HECW2: variants seen among roughly 807,000 people sequenced by gnomAD.
The protein encoded by HECW2 is HECT, C2 and WW domain containing E3 ubiquitin protein ligase 2, also known as E3 ubiquitin-protein ligase HECW2.
A neutral mutation model predicts 175.2 loss-of-function variants in HECW2; 61 were observed. That is an observed-to-expected ratio of 0.35 (90% confidence interval 0.28 to 0.43). HECW2 has a LOEUF of 0.43. HECW2 is among the 20% of genes least tolerant of loss of function. The probability of loss-of-function intolerance (pLI) is 1.00; values close to 1 mark genes in which losing one functional copy is unlikely to be tolerated. For missense variants in HECW2, 1,524 were observed against 2,000.5 expected, an observed-to-expected ratio of 0.76 and a Z score of 4.54; for synonymous variants, 671 against 731.0, an observed-to-expected ratio of 0.92 and a Z score of 1.32.
intron 3 of HECW2, among the ~76,000 whole-genome samples, chr2:196,335,986 A>G (rs1411217356): frequency 6.6e-6 from 1 of 152,214 alleles, no homozygotes; most frequent in African/African-American, 2.4e-5. Flanking sequence ...GTCGAACAGC[A>G]TAGAGAGCGT....
intron 13 of HECW2, among the ~76,000 whole-genome samples, chr2:196,296,205 A>C (rs1405390957): frequency 6.6e-6 from 1 of 152,198 alleles, no homozygotes; most frequent in Non-Finnish European, 1.5e-5. Context: ...AAGGATATTT[A>C]TACTCCACTT....
chr2:196,320,213 G>A, intron 8 of HECW2, 126 bp downstream of exon 8: 1 of 670,516 alleles, frequency 1.5e-6, no homozygotes, highest in Non-Finnish European at 2.5e-6. Context: ...GTAATTATTT[G>A]ACAGCTATTT....
At chr2:196,298,746 C>T (rs1443809481) in intron 13 of HECW2, among the ~76,000 whole-genome samples, 2 of 152,060 alleles carry the variant, frequency 1.3e-5, no homozygotes, top group Non-Finnish European at 2.9e-5. Flanking sequence ...TCATGACTTT[C>T]TTTCAACATA....
rs117362428 is a variant in HECW2, at chr2:196,380,910, T to G, written c.293-37146A>C. ...AATGCTCCTCATGTACTTGAAAGCT[T>G]TTGGCTGATTTCCAGAGTTCTAAAA... On this transcript the variant is annotated intron_variant, in intron 2 of 28. Coordinates refer to ENST00000644978, the MANE Select transcript of HECW2 (RefSeq NM_001348768.2). Among the ~76,000 whole-genome samples the G allele has an allele frequency of 5.3e-3, 811 of 152,314 alleles. 8 individuals are homozygous for G. The highest frequency in any genetic ancestry group is 0.02 in the Middle Eastern group (6 of 294).
chr2:196,490,668 G>T (rs1575601311), intron 1 of HECW2, among the ~76,000 whole-genome samples: 2 of 152,140 alleles, frequency 1.3e-5, no homozygotes, highest in East Asian at 3.8e-4. Context: ...GTTCACAGCA[G>T]CATTATTTAT....
At chr2:196,324,689 T>C (rs565969802) in intron 6 of HECW2, among the ~76,000 whole-genome samples, 4 of 152,338 alleles carry the variant, frequency 2.6e-5, no homozygotes, top group South Asian at 4.1e-4. Flanking sequence ...TTATTCATTA[T>C]GAATTTTTTG....
chr2:196,223,499 A>G (rs1189781059), intron 23 of HECW2, among the ~76,000 whole-genome samples: 1 of 152,206 alleles, frequency 6.6e-6, no homozygotes, highest in Non-Finnish European at 1.5e-5. Flanking sequence ...TGAACAAAAT[A>G]CAAGGCATGG....
At chr2:196,207,822 G>A (rs1289269516) in intron 28 of HECW2, among the ~76,000 whole-genome samples, 2 of 152,158 alleles carry the variant, frequency 1.3e-5, no homozygotes, top group Non-Finnish European at 2.9e-5. Flanking sequence ...CTTTGGTTAA[G>A]GTGCACTTGG....
At chr2:196,290,976 T>C (rs57503197) in intron 14 of HECW2, 39,071 of 152,178 alleles carry the variant, frequency 0.26, 5,923 homozygotes, top group African/African-American at 0.42. Context: ...TTAAAAACAC[T>C]TGCAGAAATC....
chr2:196,569,371 C>CTAAACTAAACTAAAATAAAATAAAA (rs375827600), intron 1 of HECW2, among the ~76,000 whole-genome samples: 124 of 144,292 alleles, frequency 8.6e-4, no homozygotes, highest in African/African-American at 2.1e-3. Flanking sequence ...CTAAACTAAA[C>CTAAACTAAACTAAAATAAAATAAAA]TAAAATAAAA....
chr2:196,375,494 A>G (rs999380441), intron 2 of HECW2, among the ~76,000 whole-genome samples: 1 of 152,200 alleles, frequency 6.6e-6, no homozygotes, highest in Non-Finnish European at 1.5e-5. Context: ...TTGAAATAAT[A>G]GTTTTTGCCA....
chr2:196,244,774 A>G (rs4850686), intron 19 of HECW2, among the ~76,000 whole-genome samples: 127,436 of 152,154 alleles, frequency 0.84, 54,488 homozygotes, highest in Non-Finnish European at 0.93. Flanking sequence ...TTCAGAAGAC[A>G]CCAAGAGAAC....
chr2:196,212,627 T>C (rs143365671), intron 28 of HECW2, among the ~76,000 whole-genome samples: 1 of 152,348 alleles, frequency 6.6e-6, no homozygotes, highest in East Asian at 1.9e-4. Context: ...TCTGTGTCTT[T>C]GCTATTGTGA....
chr2:196,398,758 G>A (rs1053540253), intron 2 of HECW2, among the ~76,000 whole-genome samples: 1 of 152,174 alleles, frequency 6.6e-6, no homozygotes, highest in Non-Finnish European at 1.5e-5. Context: ...GAGAGCAAAA[G>A]ACTCACGTTA....
intron 1 of HECW2, among the ~76,000 whole-genome samples, chr2:196,480,577 T>C (rs1011136562): frequency 6.6e-6 from 1 of 152,172 alleles, no homozygotes; most frequent in Non-Finnish European, 1.5e-5. Flanking sequence ...CAGAACTCAG[T>C]CCGTGAGTTT....
At chr2:196,454,693 CCATCTTTGGAGG>C (rs1696451020) in intron 1 of HECW2, among the ~76,000 whole-genome samples, 1 of 152,166 alleles carries the variant, frequency 6.6e-6, no homozygotes, top group African/African-American at 2.4e-5. Flanking sequence ...TGAATGTTAT[CCATCTTTGGAGG>C]CAGCTTAGTG....
chr2:196,385,436 A>G (rs1559080529), intron 2 of HECW2, among the ~76,000 whole-genome samples: 2 of 152,212 alleles, frequency 1.3e-5, no homozygotes, highest in Admixed American at 1.3e-4. Context: ...TCCATCATGC[A>G]GAACTTCTTC....
intron 1 of HECW2, among the ~76,000 whole-genome samples, chr2:196,556,715 GAACTAA>G (rs1689806122): frequency 6.6e-6 from 1 of 152,176 alleles, no homozygotes; most frequent in African/African-American, 2.4e-5. Flanking sequence ...ATGAAGAAAT[GAACTAA>G]AACATAGACG....
chr2:196,258,339 T>G (rs1439552259), intron 17 of HECW2, among the ~76,000 whole-genome samples: 1 of 152,202 alleles, frequency 6.6e-6, no homozygotes, highest in African/African-American at 2.4e-5. Context: ...ACCTTTAAGT[T>G]GCATGTGATG....
Sources: allele counts gnomAD v4.1 joint callset (sites outside exome capture counted in the v4.1 genomes callset), GRCh38; gene constraint gnomAD v4.1.1; transcripts MANE v1.5; gene names NCBI Gene and HGNC (gene_info 2026-07-23, HGNC 2026-07-21).